Variants in SPINK13 observed in about 807,000 individuals in gnomAD.
The protein encoded by SPINK13 is serine peptidase inhibitor Kazal type 13.
A neutral mutation model predicts 11.0 loss-of-function variants in SPINK13; 11 were observed. The ratio of observed to expected loss-of-function variants is 1.00; its 90% confidence interval spans 0.63 to 1.65. The LOEUF (loss-of-function observed/expected upper bound fraction) is 1.65, where lower values mean the gene tolerates loss of function less well. Ranked by LOEUF, SPINK13 falls within the 40% of genes most tolerant of loss-of-function variation. SPINK13 has a pLI of 0.00. For missense variants in SPINK13, 113 were observed against 117.7 expected, an observed-to-expected ratio of 0.96 and a Z score of 0.19; for synonymous variants, 31 against 35.6, an observed-to-expected ratio of 0.87 and a Z score of 0.46.
intron 2 of SPINK13, among the ~76,000 whole-genome samples, chr5:148,273,386 GTTTTA>G (rs1016852531): frequency 6.6e-6 from 1 of 151,874 alleles, no homozygotes; most frequent in African/African-American, 2.4e-5. Flanking sequence ...TTATTGTATA[GTTTTA>G]TTTTTTTATG....
chr5:148,276,681 T>G (rs922785104), intron 3 of SPINK13, among the ~76,000 whole-genome samples: 2 of 152,238 alleles, frequency 1.3e-5, no homozygotes, highest in African/African-American at 4.8e-5. Context: ...TACTGTTGCC[T>G]TGTAGTATAA....
At chr5:148,281,430 A>C (rs1460804235) in intron 3 of SPINK13, among the ~76,000 whole-genome samples, 1 of 152,104 alleles carries the variant, frequency 6.6e-6, no homozygotes, top group African/African-American at 2.4e-5. Flanking sequence ...GACCTGAGGG[A>C]ATCTCCTGGT....
At chr5:148,276,969 T>A (rs1756439149) in intron 3 of SPINK13, among the ~76,000 whole-genome samples, 1 of 152,238 alleles carries the variant, frequency 6.6e-6, no homozygotes, top group Non-Finnish European at 1.5e-5. Flanking sequence ...TGGTTTGTAG[T>A]TCTCCTTGAA....
At chr5:148,276,335 A>G (rs1384263144) in intron 3 of SPINK13, among the ~76,000 whole-genome samples, 1 of 152,030 alleles carries the variant, frequency 6.6e-6, no homozygotes, top group African/African-American at 2.4e-5. Flanking sequence ...TCTGTTGCCA[A>G]TTGCTTTTGG....
At chr5:148,271,784 C>G (rs1315249904) in intron 2 of SPINK13, among the ~76,000 whole-genome samples, 7 of 152,066 alleles carry the variant, frequency 4.6e-5, no homozygotes, top group Non-Finnish European at 8.8e-5. Context: ...GCCACCACGC[C>G]TGGCTAATTT....
intron 2 of SPINK13, among the ~76,000 whole-genome samples, chr5:148,271,111 A>G (rs1164839963): frequency 6.6e-6 from 1 of 152,236 alleles, no homozygotes; most frequent in Non-Finnish European, 1.5e-5. Context: ...TAAAGCAGAC[A>G]CTATAACCTC....
intron 1 of SPINK13, 72 bp from the exon 2 acceptor site, chr5:148,269,968 G>A: frequency 9.3e-7 from 1 of 1,079,406 alleles, no homozygotes; most frequent in Non-Finnish European, 1.4e-6. Flanking sequence ...ATCACCTTAG[G>A]GTATTGTGTT....
rs141801781 is a variant in SPINK13 at position 148,275,953 on chromosome 5, G to A, written c.108+1569G>A. 6.9e-3 allele frequency among the ~76,000 whole-genome samples: 1,051 copies of A among 152,208 alleles called. 9 individuals carry two copies. Among genetic ancestry groups the A allele is most frequent in the South Asian group, 8.7e-3 (42 of 4,822 alleles). The stretch of plus-strand genomic sequence containing the variant: ...TGGGATTACAGACGTGAGCCACTGC[G>A]CCCGACCTGTTTCCTGCCTTTTTAA... On this transcript the variant is annotated intron_variant, in intron 3 of 4. Coordinates refer to ENST00000398450, the MANE Select transcript of SPINK13 (RefSeq NM_001040129.3).
In SPINK13 at chr5:148,270,092, A is replaced by T; in HGVS notation, c.20A>T (p.Lys7Met). Residue 7 changes from lysine to methionine, a missense_variant, in exon 2 of 5, where the codon AAG (lysine) becomes ATG (methionine). Coordinates refer to ENST00000398450, the MANE Select transcript of SPINK13 (RefSeq NM_001040129.3). ...GATCAAATGGCTGCCTTTCCCCACA[A>T]GATTATATTTTTCCTGGTATGCTCT... MAAFPH[K>M]IIFFLVCSTL... 6.2e-7 allele frequency: 1 copy of T among 1,614,080 alleles called. No individual in the cohort carries two copies. Among genetic ancestry groups the T allele is most frequent in the South Asian group, 1.1e-5 (1 of 91,068 alleles).
chr5:148,278,561 T>A (rs760746307), intron 3 of SPINK13, among the ~76,000 whole-genome samples: 5 of 152,236 alleles, frequency 3.3e-5, no homozygotes, highest in Non-Finnish European at 7.3e-5. Flanking sequence ...TTGTTCTGTT[T>A]CCATGTAGTT....
intron 3 of SPINK13, among the ~76,000 whole-genome samples, chr5:148,275,950 T>G (rs559382318): frequency 6.6e-6 from 1 of 152,242 alleles, no homozygotes; most frequent in Admixed American, 6.5e-5. Context: ...CGTGAGCCAC[T>G]GCGCCCGACC....
At chr5:148,274,695 T>C (rs535609734) in intron 3 of SPINK13, among the ~76,000 whole-genome samples, 1 of 152,150 alleles carries the variant, frequency 6.6e-6, no homozygotes, top group African/African-American at 2.4e-5. Context: ...CAGTGAGCCA[T>C]AATGGCACTA....
Position 148,285,936 on chromosome 5 carries a change from T to C in SPINK13, c.237-64T>C, listed in dbSNP as rs2113379226. On this transcript the variant is annotated intron_variant, in intron 4 of 4. Coordinates refer to ENST00000398450, the MANE Select transcript of SPINK13 (RefSeq NM_001040129.3). ...ACCTCTTTTAGAAGATAAGGAAAAG[T>C]ACATTCAATACCAATGTTCACTTTC... 7 of 960,804 alleles carry C rather than the reference T, an allele frequency of 7.3e-6. No homozygotes were observed. In the South Asian group the frequency reaches 8.0e-5, roughly 11 times the overall value. 59.5% of individuals were successfully genotyped at this position (960,804 alleles called of 1,614,324 possible).
chr5:148,269,367 C>A (rs1756312601), intron 1 of SPINK13, among the ~76,000 whole-genome samples: 1 of 152,132 alleles, frequency 6.6e-6, no homozygotes, highest in Admixed American at 6.5e-5. Flanking sequence ...GCATCTCACT[C>A]AATTCAAGGT....
intron 1 of SPINK13, among the ~76,000 whole-genome samples, chr5:148,269,178 C>T (rs1756309817): frequency 1.3e-5 from 2 of 152,120 alleles, no homozygotes; most frequent in Admixed American, 1.3e-4. Flanking sequence ...TCACTCCTAG[C>T]AAAGAAAAGT....
chr5:148,274,766 A>C (rs1284499452), intron 3 of SPINK13, among the ~76,000 whole-genome samples: 1 of 152,112 alleles, frequency 6.6e-6, no homozygotes, highest in Non-Finnish European at 1.5e-5. Flanking sequence ...ATAAATCTTC[A>C]TGGAGGTAAA....
At chr5:148,277,270 C>A (rs775412348) in intron 3 of SPINK13, among the ~76,000 whole-genome samples, 3 of 152,162 alleles carry the variant, frequency 2.0e-5, no homozygotes, top group Non-Finnish European at 4.4e-5. Flanking sequence ...CACTTTATTT[C>A]TTTCTCTTGC....
intron 1 of SPINK13, among the ~76,000 whole-genome samples, chr5:148,269,254 T>G (rs912881218): frequency 3.9e-5 from 6 of 152,206 alleles, no homozygotes; most frequent in Non-Finnish European, 8.8e-5. Context: ...GTTGATTCTT[T>G]CAATATCCTA....
At chr5:148,269,972 T>C (rs898030302) in intron 1 of SPINK13, 68 bp from the exon 2 acceptor site, 73 of 1,130,990 alleles carry the variant, frequency 6.5e-5, no homozygotes, top group Non-Finnish European at 9.4e-5. Flanking sequence ...CCTTAGGGTA[T>C]TGTGTTCTCT....
Sources: allele counts gnomAD v4.1 joint callset (sites outside exome capture counted in the v4.1 genomes callset), GRCh38; gene constraint gnomAD v4.1.1; transcripts MANE v1.5; gene names NCBI Gene and HGNC (gene_info 2026-07-23, HGNC 2026-07-21).